The following N4BP1 variants were observed in gnomAD, a reference collection of about 807,000 sequenced individuals.
N4BP1 encodes the protein NEDD4-binding protein 1.
Under a neutral mutation model 70.9 loss-of-function variants are expected in N4BP1, and 21 were observed. The observed-to-expected ratio is 0.30, with a 90% CI of 0.21 to 0.43. The LOEUF is 0.43. Among genes scored for constraint, N4BP1 ranks in the 20% least tolerant of loss-of-function variants. N4BP1 has a pLI of 1.00. For missense variants in N4BP1, 936 were observed against 1,069.4 expected, an observed-to-expected ratio of 0.88 and a Z score of 1.74; for synonymous variants, 387 against 394.6, an observed-to-expected ratio of 0.98 and a Z score of 0.23.
Position 48,594,001 on chromosome 16 carries a change from C to CAAAA in N4BP1, c.198+15770_198+15773dup, listed in dbSNP as rs750355255. On this transcript the variant is annotated intron_variant, in intron 1 of 6. Transcript: ENST00000262384. Reference sequence around the variant, plus strand: ...TGGGTGCCAGAGCAAGACTCCGTCTCAAAAAAAAAAAAAAAAACAAAAAAA... The same window carrying CAAAA: ...TGGGTGCCAGAGCAAGACTCCGTCTCAAAAAAAAAAAAAAAAAAAAACAAAAAAA... Among the ~76,000 whole-genome samples, 310 of 42,450 alleles carry CAAAA rather than the reference C, an allele frequency of 7.3e-3. 35 individuals carry two copies. Among genetic ancestry groups the CAAAA allele is most frequent in the African/African-American group, 0.024 (269 of 11,314 alleles). The allele number at this position is 42,450 out of a possible 152,430, so 27.8% of individuals were successfully genotyped here. A position where few individuals can be genotyped will look rare whatever the true frequency, so the allele number is the denominator to read the frequency against.
chr16:48,599,590 C>T (rs1322237589), intron 1 of N4BP1, among the ~76,000 whole-genome samples: 1 of 152,194 alleles, frequency 6.6e-6, no homozygotes, highest in Non-Finnish European at 1.5e-5. Context: ...GGTTCCCTCA[C>T]AAATGAGTTA....
chr16:48,597,748 T>C (rs1056555107), intron 1 of N4BP1, among the ~76,000 whole-genome samples: 1 of 152,162 alleles, frequency 6.6e-6, no homozygotes, highest in African/African-American at 2.4e-5. Context: ...GATTTGAGGT[T>C]TCCTCATGTC....
intron 1 of N4BP1, among the ~76,000 whole-genome samples, chr16:48,599,702 G>A (rs898508826): frequency 6.6e-6 from 1 of 152,180 alleles, no homozygotes; most frequent in Non-Finnish European, 1.5e-5. Flanking sequence ...ATGTGCCTAG[G>A]TAAAACTGAA....
At chr16:48,572,754 A>G (rs1964036962) in intron 1 of N4BP1, among the ~76,000 whole-genome samples, 1 of 152,194 alleles carries the variant, frequency 6.6e-6, no homozygotes, top group Non-Finnish European at 1.5e-5. Flanking sequence ...GATGCTAAAT[A>G]GAGATATAAA....
intron 1 of N4BP1, among the ~76,000 whole-genome samples, chr16:48,570,187 G>A (rs528548265): frequency 6.6e-6 from 1 of 152,258 alleles, no homozygotes; most frequent in East Asian, 1.9e-4. Flanking sequence ...CTCACTCTCG[G>A]TTTTAGATGT....
At chr16:48,580,065 T>C (rs1169188406) in intron 1 of N4BP1, among the ~76,000 whole-genome samples, 2 of 151,412 alleles carry the variant, frequency 1.3e-5, no homozygotes, top group African/African-American at 4.9e-5. Flanking sequence ...CATGGCAAAA[T>C]CCAGATGGAA....
chr16:48,608,441 C>T (rs1214070259), intron 1 of N4BP1, among the ~76,000 whole-genome samples: 1 of 152,194 alleles, frequency 6.6e-6, no homozygotes, highest in South Asian at 2.1e-4. Flanking sequence ...TTCAAGGACA[C>T]TGACATTACT....
chr16:48,578,994 GGGCATTTGACAATGCCA>G, intron 1 of N4BP1, among the ~76,000 whole-genome samples: 1 of 151,204 alleles, frequency 6.6e-6, no homozygotes, highest in East Asian at 1.9e-4. Context: ...CCCTTCCTTG[GGGCATTTGACAATGCCA>G]AGAGACATTT....
In N4BP1 at chr16:48,541,186, G is replaced by C. The variant is rs966165420; in HGVS notation, c.*1718C>G. 3 of 152,300 alleles carry C rather than the reference G, an allele frequency of 2.0e-5. No homozygotes were observed. Among genetic ancestry groups the C allele is most frequent in the African/African-American group, 7.2e-5 (3 of 41,468 alleles). The allele number at this position is 152,300 out of a possible 1,614,324, so 9.4% of individuals were successfully genotyped here. On this transcript the variant is annotated 3_prime_UTR_variant, in exon 7 of 7. Coordinates refer to ENST00000262384, the MANE Select transcript of N4BP1 (RefSeq NM_153029.4). ...AAATAGTGGGTCAGCCAGGCTGCTG[G>C]ACTGAACCATGAGCCAGAAGGCCAG...
At chr16:48,599,645 T>C (rs1204382086) in intron 1 of N4BP1, among the ~76,000 whole-genome samples, 2 of 152,252 alleles carry the variant, frequency 1.3e-5, no homozygotes, top group Non-Finnish European at 2.9e-5. Context: ...TTATAATTTT[T>C]AAAACACATG....
At chr16:48,575,589 T>A (rs1597102634) in intron 1 of N4BP1, among the ~76,000 whole-genome samples, 1 of 152,062 alleles carries the variant, frequency 6.6e-6, no homozygotes, top group South Asian at 2.1e-4. Flanking sequence ...AGGTTTGACC[T>A]GGGGAAATGT....
At chr16:48,585,784 C>T (rs1018001662) in intron 1 of N4BP1, among the ~76,000 whole-genome samples, 1 of 152,050 alleles carries the variant, frequency 6.6e-6, no homozygotes, top group African/African-American at 2.4e-5. Flanking sequence ...CAACCTCCAA[C>T]TCCTGGGTTC....
At chr16:48,564,870 A>G (rs903220066) in intron 1 of N4BP1, among the ~76,000 whole-genome samples, 7 of 152,316 alleles carry the variant, frequency 4.6e-5, no homozygotes, top group African/African-American at 1.7e-4. Context: ...GAGAATACAA[A>G]TCCTGTACAT....
intron 2 of N4BP1, among the ~76,000 whole-genome samples, chr16:48,555,337 C>T (rs778746657): frequency 4.6e-5 from 7 of 152,234 alleles, no homozygotes; most frequent in Non-Finnish European, 5.9e-5. Context: ...GGCTTCCTCA[C>T]GCCTGCCCTT....
intron 1 of N4BP1, among the ~76,000 whole-genome samples, chr16:48,583,647 TAATA>T (rs1199085508): frequency 2.0e-5 from 3 of 152,222 alleles, no homozygotes; most frequent in Admixed American, 6.5e-5. Context: ...CATGGATACA[TAATA>T]AATACAATTT....
chr16:48,563,269 C>T (rs1175331027), intron 1 of N4BP1, among the ~76,000 whole-genome samples: 14 of 151,946 alleles, frequency 9.2e-5, no homozygotes, highest in Middle Eastern at 3.2e-3. Flanking sequence ...ATGGGAGGAT[C>T]GCTTCAGCCC....
At chr16:48,547,978 C>G in intron 5 of N4BP1, 29 bp downstream of exon 5, 1 of 1,406,498 alleles carries the variant, frequency 7.1e-7, no homozygotes, top group Non-Finnish European at 1.0e-6. Flanking sequence ...CAAAACTTTT[C>G]TGACCAAAGA....
chr16:48,548,149 AG>A (rs757944683), intron 4 of N4BP1, 35 bp from the exon 5 acceptor site: 2 of 1,235,276 alleles, frequency 1.6e-6, no homozygotes, highest in Non-Finnish European at 2.4e-6. Context: ...AATCAGCAAC[AG>A]GCATCCTTGG....
intron 1 of N4BP1, among the ~76,000 whole-genome samples, chr16:48,599,043 C>T (rs1024202662): frequency 5.3e-5 from 8 of 152,046 alleles, no homozygotes; most frequent in Admixed American, 6.5e-5. Context: ...AAACCAAAAC[C>T]GGTTCATAAA....
Sources: gnomAD v4.1 joint callset for allele counts (sites outside exome capture counted in the v4.1 genomes callset) on GRCh38, gnomAD v4.1.1 for gene constraint, MANE v1.5 for transcripts, NCBI Gene and HGNC (gene_info 2026-07-23, HGNC 2026-07-21) for gene names.